The following PLPPR1 variants were observed in gnomAD, a reference collection of about 807,000 sequenced individuals.
PLPPR1 encodes the protein phospholipid phosphatase-related protein type 1.
Under a neutral mutation model 33.1 loss-of-function variants are expected in PLPPR1, and 10 were observed. The ratio of observed to expected loss-of-function variants is 0.30; its 90% CI spans 0.19 to 0.51. PLPPR1 has a LOEUF of 0.51. Among genes scored for constraint, PLPPR1 ranks in the 20% least tolerant of loss-of-function variants. The pLI, the probability that PLPPR1 is intolerant of heterozygous loss-of-function variation, is 0.97. For missense variants in PLPPR1, 304 were observed against 408.1 expected (o/e 0.74, Z 2.20); for synonymous variants, 151 against 151.0 (o/e 1.00, Z 0.00).
chr9:101,277,656 C>A (rs1406450220), intron 3 of PLPPR1, among the ~76,000 whole-genome samples: 1 of 152,146 alleles, frequency 6.6e-6, no homozygotes, highest in African/African-American at 2.4e-5. Context: ...AAAACTTCTT[C>A]ATTTGACAGA....
intron 1 of PLPPR1, among the ~76,000 whole-genome samples, chr9:101,068,356 A>T (rs2153248): frequency 0.76 from 115,250 of 151,872 alleles, 44,319 homozygotes; most frequent in African/African-American, 0.89. Flanking sequence ...CGAGGGGAAG[A>T]GGACAGAGCA....
chr9:101,315,218 A>G (rs1280405782), intron 6 of PLPPR1, among the ~76,000 whole-genome samples: 1 of 152,172 alleles, frequency 6.6e-6, no homozygotes, highest in Non-Finnish European at 1.5e-5. Context: ...GTATTTTTGT[A>G]CTGATTAACC....
chr9:101,175,822 A>G (rs969103873), intron 1 of PLPPR1, among the ~76,000 whole-genome samples: 7 of 152,184 alleles, frequency 4.6e-5, no homozygotes, highest in South Asian at 2.1e-4. Flanking sequence ...TACTTCTTCA[A>G]AAAGAGTTGT....
At chr9:101,226,403 T>C (rs1827069351) in intron 2 of PLPPR1, among the ~76,000 whole-genome samples, 1 of 152,126 alleles carries the variant, frequency 6.6e-6, no homozygotes, top group Admixed American at 6.6e-5. Flanking sequence ...GTTCTTGTTG[T>C]CATAGGCTGT....
At position 101,121,368 on chromosome 9, in the gene PLPPR1, G is replaced by A. The variant is rs145577289; in HGVS notation, c.-45-64082G>A. Among the ~76,000 whole-genome samples, 66 of 152,228 alleles carry A rather than the reference G, an allele frequency of 4.3e-4. 3 individuals are homozygous for A. The East Asian group carries it at 0.013, about 30-fold the overall frequency. ...ACAGGTAAAGAAACTGAGACTCAGAGCATTTAAGTCAGTTGTCTAAGTTCA... is the reference window on the plus strand; with the variant it reads ...ACAGGTAAAGAAACTGAGACTCAGAACATTTAAGTCAGTTGTCTAAGTTCA... On this transcript the variant is annotated intron_variant, in intron 1 of 7. Transcript: ENST00000374874.
In PLPPR1 at chr9:101,263,456, C is replaced by T. The variant is rs556043192; in HGVS notation, c.64-6424C>T. 2.0e-4 allele frequency among the ~76,000 whole-genome samples: 30 copies of T among 152,244 alleles called. 1 individual carries two copies. The South Asian group carries it at 3.5e-3, about 18-fold the overall frequency. On this transcript the variant is annotated intron_variant, in intron 2 of 7. Coordinates refer to ENST00000374874, the MANE Select transcript of PLPPR1 (RefSeq NM_207299.2). ...CATTCCAACTTCTTGCTGATGCTAG[C>T]TTACTTTATTTGATGAAAGCTGATT...
rs185024066 is a variant in PLPPR1 at position 101,198,536 on chromosome 9, A to G, written c.63+12979A>G. Among the ~76,000 whole-genome samples the G allele has an allele frequency of 6.6e-5, 10 of 152,354 alleles. No individual in the cohort carries two copies. The East Asian group carries it at 1.9e-3, about 29-fold the overall frequency. Reference sequence around the variant, plus strand: ...GAATGTTTATAGCAAGAATGATTTCATAATGGGCAGTGTGGTGTATCTTCA... The same window carrying G: ...GAATGTTTATAGCAAGAATGATTTCGTAATGGGCAGTGTGGTGTATCTTCA... On this transcript the variant is annotated intron_variant, in intron 2 of 7. Transcript: ENST00000374874.
chr9:101,159,837 A>G (rs1831750353), intron 1 of PLPPR1, among the ~76,000 whole-genome samples: 1 of 152,204 alleles, frequency 6.6e-6, no homozygotes, highest in African/African-American at 2.4e-5. Flanking sequence ...CTGTATTCCA[A>G]GCTTTGTGTT....
chr9:101,138,826 G>A (rs1831410707), intron 1 of PLPPR1, among the ~76,000 whole-genome samples: 1 of 152,162 alleles, frequency 6.6e-6, no homozygotes, highest in African/African-American at 2.4e-5. Flanking sequence ...AAAAGTGGCA[G>A]AACTAGGATT....
At chr9:101,276,914 G>A (rs191520181) in intron 3 of PLPPR1, among the ~76,000 whole-genome samples, 1 of 152,346 alleles carries the variant, frequency 6.6e-6, no homozygotes, top group East Asian at 1.9e-4. Flanking sequence ...CATAGGAAGT[G>A]TCTAGAGCTG....
At chr9:101,121,873 A>G (rs563938688) in intron 1 of PLPPR1, among the ~76,000 whole-genome samples, 1 of 152,300 alleles carries the variant, frequency 6.6e-6, no homozygotes, top group East Asian at 1.9e-4. Context: ...GATATAGGAT[A>G]TGCACTAGGG....
At chr9:101,163,976 A>G (rs1036463741) in intron 1 of PLPPR1, among the ~76,000 whole-genome samples, 19 of 152,152 alleles carry the variant, frequency 1.2e-4, no homozygotes, top group African/African-American at 4.6e-4. Flanking sequence ...TGAAATTATG[A>G]AAAACTCAGG....
At chr9:101,099,318 A>G (rs1049312936) in intron 1 of PLPPR1, among the ~76,000 whole-genome samples, 1 of 152,118 alleles carries the variant, frequency 6.6e-6, no homozygotes, top group Non-Finnish European at 1.5e-5. Context: ...CTTTTTGTCT[A>G]TGATCCTGTG....
At chr9:101,315,474 T>A (rs1588123870) in intron 6 of PLPPR1, among the ~76,000 whole-genome samples, 1 of 152,178 alleles carries the variant, frequency 6.6e-6, no homozygotes, top group African/African-American at 2.4e-5. Flanking sequence ...TGGGATGATA[T>A]TGGGGTTTGC....
chr9:101,299,908 C>T (rs970873373), intron 4 of PLPPR1, among the ~76,000 whole-genome samples: 3 of 152,256 alleles, frequency 2.0e-5, no homozygotes, highest in Non-Finnish European at 2.9e-5. Context: ...CAATAGCACT[C>T]ACTCCTCTAG....
intron 2 of PLPPR1, among the ~76,000 whole-genome samples, chr9:101,262,369 T>C (rs1164297100): frequency 2.6e-5 from 4 of 152,198 alleles, no homozygotes; most frequent in African/African-American, 9.7e-5. Context: ...CTCTCTCAAG[T>C]TCAACTGCAG....
At position 101,117,992 on chromosome 9, in the gene PLPPR1, G is replaced by A. The variant is rs1350291093; in HGVS notation, c.-45-67458G>A. ...TGGACACTGTCAGTAGAGACAGAAT[G>A]TGTAAGTTTAGCAGTATTTTCAAGT... On this transcript the variant is annotated intron_variant, in intron 1 of 7. Coordinates refer to ENST00000374874, the MANE Select transcript of PLPPR1 (RefSeq NM_207299.2). Among the ~76,000 whole-genome samples the A allele has an allele frequency of 4.6e-5, 7 of 152,362 alleles. No homozygotes were observed. The East Asian group carries it at 1.3e-3, about 29-fold the overall frequency.
At chr9:101,119,760 T>C (rs1204945387) in intron 1 of PLPPR1, among the ~76,000 whole-genome samples, 1 of 152,228 alleles carries the variant, frequency 6.6e-6, no homozygotes, top group East Asian at 1.9e-4. Context: ...ATAACCTCAA[T>C]TGGCCTTTTT....
intron 1 of PLPPR1, among the ~76,000 whole-genome samples, chr9:101,142,241 G>C (rs746972245): frequency 2.0e-5 from 3 of 152,136 alleles, no homozygotes; most frequent in Non-Finnish European, 2.9e-5. Context: ...TGTCATTCTA[G>C]CTATAGACTT....
Sources: gnomAD v4.1 joint callset for allele counts (sites outside exome capture counted in the v4.1 genomes callset) on GRCh38, gnomAD v4.1.1 for gene constraint, MANE v1.5 for transcripts, NCBI Gene and HGNC (gene_info 2026-07-23, HGNC 2026-07-21) for gene names.